DDHD2: variants seen among roughly 807,000 people sequenced by gnomAD.
DDHD2 encodes the protein triacylglycerol hydrolase DDHD2.
A neutral mutation model predicts 91.2 loss-of-function variants in DDHD2; 62 were observed. The ratio of observed to expected loss-of-function variants is 0.68; its 90% CI spans 0.55 to 0.84. The LOEUF is 0.84. Ranked by LOEUF, DDHD2 falls within the 40% of genes least tolerant of loss-of-function variation. The probability of loss-of-function intolerance (pLI) is 0.00; values close to 1 mark genes in which losing one functional copy is unlikely to be tolerated. For synonymous variants in DDHD2, 271 were observed against 293.9 expected (o/e 0.92, Z 0.80); for missense variants, 740 against 846.9 (o/e 0.87, Z 1.57).
rs1280225053 is a variant in DDHD2 at position 38,261,877 on chromosome 8, T to C, written c.*1304T>C. ...TACTTGCTCTCAGATTCCACAGGCC[T>C]CTGTTTATAGAGTGGCAAAGGCAGG... On this transcript the variant is annotated 3_prime_UTR_variant, in exon 18 of 18. Coordinates refer to ENST00000397166, the MANE Select transcript of DDHD2 (RefSeq NM_015214.3). The C allele has an allele frequency of 6.6e-6, 1 of 152,210 alleles. No individual in the cohort carries two copies. Among genetic ancestry groups the C allele is most frequent in the East Asian group, 1.9e-4 (1 of 5,196 alleles). The allele number at this position is 152,210 out of a possible 1,614,324, so 9.4% of individuals were successfully genotyped here. A position where few individuals can be genotyped will look rare whatever the true frequency, so the allele number is the denominator to read the frequency against.
At chr8:38,268,577 G>A in intron 1 of DDHD2, 1 of 1,469,116 alleles carries the variant, frequency 6.8e-7, no homozygotes. Flanking sequence ...AGGTCTCTGA[G>A]TGCGCGTAAC....
intron 7 of DDHD2, among the ~76,000 whole-genome samples, chr8:38,245,300 C>CGG (rs1805536326): frequency 6.6e-6 from 1 of 151,934 alleles, no homozygotes; most frequent in Non-Finnish European, 1.5e-5. Context: ...GGCATGGTGG[C>CGG]ACATGCCTGC....
intron 1 of DDHD2, chr8:38,267,850 G>A (rs1807903641): frequency 6.4e-7 from 1 of 1,574,458 alleles, no homozygotes; most frequent in South Asian, 1.1e-5. Flanking sequence ...TGTTCTGGTG[G>A]GTAAGGGCTG....
Position 38,233,145 on chromosome 8 carries a change from G to C in DDHD2, c.151G>C (p.Asp51His), listed in dbSNP as rs771194032. Residue 51 changes from aspartate to histidine, a missense_variant, in exon 2 of 18, where the codon GAT becomes CAT. Transcript: ENST00000397166. ...CCATTGGTTTTATTGTAAGATAATA[G>C]ATTCTAAGGAGACATGGATTCCTTT... ...SPHWFYCKIIDSKETWIPFNS... is the reference protein window; with the variant it reads ...SPHWFYCKIIHSKETWIPFNS... The C allele has an allele frequency of 3.1e-6, 5 of 1,614,012 alleles. No individual in the cohort carries two copies. Among genetic ancestry groups the C allele is most frequent in the Non-Finnish European group, 4.2e-6 (5 of 1,180,030 alleles).
Position 38,252,967 on chromosome 8 carries a change from G to A in DDHD2, c.1731G>A (p.Glu577=), listed in dbSNP as rs748280676. ...GRKRMHLELR[E]GLTRMSMDLK... Reference sequence around the variant, plus strand: ...ATTTATATGTTTCAGAACTGAGAGAGGGCTTGACCAGGATGAGTATGGACC... The same window carrying A: ...ATTTATATGTTTCAGAACTGAGAGAAGGCTTGACCAGGATGAGTATGGACC... The change falls in exon 15 of 18, where the codon GAG becomes GAA. Residue 577 remains glutamate (E), a synonymous_variant. Coordinates refer to ENST00000397166, the MANE Select transcript of DDHD2 (RefSeq NM_015214.3). The A allele has an allele frequency of 6.2e-7, 1 of 1,613,888 alleles. No homozygotes were observed. The highest frequency in any genetic ancestry group is 8.5e-7 in the Non-Finnish European group (1 of 1,179,944).
chr8:38,246,364 A>ACTTATT, intron 9 of DDHD2, 64 bp downstream of exon 9: 1 of 1,334,850 alleles, frequency 7.5e-7, no homozygotes, highest in Admixed American at 2.2e-5. Context: ...TAGATTTTAG[A>ACTTATT]CTTATTTTTT....
At chr8:38,265,367 G>A (rs1217623834), downstream of DDHD2, among the ~76,000 whole-genome samples, 2 of 150,454 alleles carry the variant, frequency 1.3e-5, no homozygotes, top group Non-Finnish European at 3.0e-5. Context: ...TACCTCCAGC[G>A]TTTTTTTTGG....
intron 5 of DDHD2, chr8:38,238,653 CT>C (rs1244352629): frequency 2.9e-5 from 28 of 976,988 alleles, no homozygotes; most frequent in South Asian, 4.7e-5. Context: ...TATAATATTC[CT>C]TTTTTCTTGT....
chr8:38,264,696 A>C, downstream of DDHD2: 1 of 1,433,018 alleles, frequency 7.0e-7, no homozygotes, highest in Non-Finnish European at 9.2e-7. Flanking sequence ...CCTCCAGGAT[A>C]CTCTACTGTG....
Position 38,253,600 on chromosome 8 carries a change from C to T in DDHD2, c.1936C>T (p.Leu646=), listed in dbSNP as rs1806282003. ...CTCTGTGGCAGTTAAAGAAGAAGTC[C>T]TGCCTATCAATGTGGGGATGCTGAA... ...ETSVAVKEEV[L]PINVGMLNGG... The change falls in exon 16 of 18, where the codon CTG becomes TTG. Residue 646 remains leucine, a synonymous_variant. Transcript: ENST00000397166. The T allele has an allele frequency of 6.2e-7, 1 of 1,614,096 alleles. No homozygotes were observed.
chr8:38,269,522 A>T (rs1808352998), intron 1 of DDHD2, among the ~76,000 whole-genome samples: 2 of 152,176 alleles, frequency 1.3e-5, no homozygotes, highest in Non-Finnish European at 2.9e-5. Context: ...TCGCCTCTAA[A>T]TGGAAAACCA....
intron 8 of DDHD2, 56 bp from the exon 9 acceptor site, chr8:38,246,175 CAG>C (rs1805620871): frequency 7.6e-7 from 1 of 1,312,844 alleles, no homozygotes; most frequent in South Asian, 1.2e-5. Flanking sequence ...TTTTGTATAA[CAG>C]AGAGCCATTT....
intron 1 of DDHD2, chr8:38,269,314 A>G: frequency 1.8e-6 from 2 of 1,113,090 alleles, no homozygotes; most frequent in Non-Finnish European, 2.4e-6. Flanking sequence ...GCGGCTCCCC[A>G]GGAAGACGGC....
At chr8:38,263,770 A>G (rs1208181394), downstream of DDHD2, 3 of 985,308 alleles carry the variant, frequency 3.0e-6, no homozygotes, top group Non-Finnish European at 3.6e-6. Flanking sequence ...AAGTTTTGAT[A>G]ATGAACTCTA....
intron 7 of DDHD2, among the ~76,000 whole-genome samples, chr8:38,245,038 A>G (rs1420292933): frequency 1.3e-5 from 2 of 151,040 alleles, no homozygotes. Context: ...AATTATATAC[A>G]TTAATTTTTG....
intron 4 of DDHD2, among the ~76,000 whole-genome samples, 186 bp downstream of exon 4, chr8:38,237,813 A>T (rs1314952322): frequency 6.6e-6 from 1 of 152,200 alleles, no homozygotes; most frequent in Admixed American, 6.5e-5. Flanking sequence ...GCTTATACAA[A>T]ATAATTTTCT....
At chr8:38,237,365 GACAA>G (rs1027569757) in intron 3 of DDHD2, among the ~76,000 whole-genome samples, 169 bp from the exon 4 acceptor site, 8 of 152,038 alleles carry the variant, frequency 5.3e-5, no homozygotes, top group African/African-American at 1.9e-4. Flanking sequence ...GACAGAGTAA[GACAA>G]ACAAAACAAA....
At chr8:38,238,555 C>G in intron 5 of DDHD2, 4 of 1,043,808 alleles carry the variant, frequency 3.8e-6, no homozygotes, top group Non-Finnish European at 4.6e-6. Context: ...AGATTTTCAA[C>G]TAAGGAAAAC....
intron 1 of DDHD2, chr8:38,268,475 TCAGAGGTTAAAAACAATC>T (rs1563330815): frequency 1.3e-6 from 2 of 1,559,702 alleles, no homozygotes; most frequent in Non-Finnish European, 8.7e-7. Flanking sequence ...AATCAGAATG[TCAGAGGTTAAAAACAATC>T]CAAAAAAAAG....
Sources: allele counts gnomAD v4.1 joint callset (sites outside exome capture counted in the v4.1 genomes callset), GRCh38; gene constraint gnomAD v4.1.1; transcripts MANE v1.5; gene names NCBI Gene and HGNC (gene_info 2026-07-23, HGNC 2026-07-21).